The following MTMR7 variants were observed in gnomAD, a reference collection of about 807,000 sequenced individuals.
The protein encoded by MTMR7 is phosphatidylinositol-3-phosphate phosphatase MTMR7.
A neutral mutation model predicts 81.2 loss-of-function variants in MTMR7; 76 were observed. The observed-to-expected ratio is 0.94, with a 90% CI of 0.78 to 1.13. The LOEUF is 1.13. Ranked by LOEUF, MTMR7 falls within the 50% of genes most tolerant of loss-of-function variation. The pLI is 0.00. For missense variants in MTMR7, 1,044 were observed against 820.0 expected (o/e 1.27, Z -3.34); for synonymous variants, 372 against 289.8 (o/e 1.28, Z -2.88).
At chr8:17,350,528 G>A (rs954357006) in intron 4 of MTMR7, among the ~76,000 whole-genome samples, 19 of 152,046 alleles carry the variant, frequency 1.2e-4, no homozygotes, top group South Asian at 4.1e-4. Context: ...ACCTCCCACC[G>A]GGTCCCTCCC....
intron 12 of MTMR7, among the ~76,000 whole-genome samples, chr8:17,303,598 C>T (rs1182618746): frequency 7.3e-6 from 1 of 137,076 alleles, no homozygotes; most frequent in Non-Finnish European, 1.5e-5. Flanking sequence ...CCATTCTCCC[C>T]ATACATACAA....
chr8:17,314,514 G>A (rs1817962072), intron 7 of MTMR7, among the ~76,000 whole-genome samples: 1 of 152,030 alleles, frequency 6.6e-6, no homozygotes, highest in Non-Finnish European at 1.5e-5. Flanking sequence ...GTGCATATGG[G>A]TCACATAGCA....
chr8:17,329,680 A>G (rs1235152481), intron 7 of MTMR7, among the ~76,000 whole-genome samples: 1 of 152,268 alleles, frequency 6.6e-6, no homozygotes, highest in Non-Finnish European at 1.5e-5. Context: ...AATGATGAAC[A>G]GTCTTCAGAC....
At chr8:17,346,786 T>A (rs1819564068) in intron 5 of MTMR7, among the ~76,000 whole-genome samples, 1 of 141,020 alleles carries the variant, frequency 7.1e-6, no homozygotes, top group Non-Finnish European at 1.5e-5. Context: ...TCTTCTTTAA[T>A]CAATGGATGC....
intron 1 of MTMR7, among the ~76,000 whole-genome samples, chr8:17,375,557 G>A (rs1820561028): frequency 6.7e-6 from 1 of 149,756 alleles, no homozygotes; most frequent in Non-Finnish European, 1.5e-5. Context: ...CCATCATGGT[G>A]TATTTTTTGT....
Position 17,319,218 on chromosome 8 carries a change from T to A in MTMR7, c.866-5817A>T, listed in dbSNP as rs116058676. ...CCATGCTCAACATGGTAACCTGGGCTAGTTACTGAGCCTCGCTGTCTTCAA... is the reference window on the plus strand; with the variant it reads ...CCATGCTCAACATGGTAACCTGGGCAAGTTACTGAGCCTCGCTGTCTTCAA... On this transcript the variant is annotated intron_variant, in intron 7 of 13. Coordinates refer to ENST00000180173, the MANE Select transcript of MTMR7 (RefSeq NM_004686.5). Among the ~76,000 whole-genome samples, 746 of 152,330 alleles carry A rather than the reference T, an allele frequency of 4.9e-3. 7 individuals carry two copies. Among genetic ancestry groups the A allele is most frequent in the African/African-American group, 0.016 (676 of 41,570 alleles).
Position 17,399,761 on chromosome 8 carries a change from T to C in MTMR7, c.24+13508A>G, listed in dbSNP as rs1267534139. Among the ~76,000 whole-genome samples the C allele has an allele frequency of 3.3e-5, 5 of 152,170 alleles. No individual in the cohort carries two copies. In the South Asian group the frequency reaches 6.2e-4, roughly 19 times the overall value. ...AGAGATATCCGCACTCCCATGCTTATGGCAGCATTATTCACAGTAGTCGAG... is the reference window on the plus strand; with the variant it reads ...AGAGATATCCGCACTCCCATGCTTACGGCAGCATTATTCACAGTAGTCGAG... On this transcript the variant is annotated intron_variant, in intron 1 of 13. Transcript: ENST00000180173.
chr8:17,396,102 C>T (rs983398066), intron 1 of MTMR7, among the ~76,000 whole-genome samples: 1 of 146,070 alleles, frequency 6.8e-6, no homozygotes, highest in Non-Finnish European at 1.5e-5. Flanking sequence ...GGAGATATGG[C>T]TGATCATACC....
In MTMR7 at chr8:17,298,817, A is replaced by G. The variant is rs1816909918; in HGVS notation, c.*1045T>C. 1 of 152,524 alleles carries G rather than the reference A, an allele frequency of 6.6e-6. No individual in the cohort carries two copies. Among genetic ancestry groups the G allele is most frequent in the South Asian group, 2.1e-4 (1 of 4,834 alleles). 9.4% of individuals were successfully genotyped at this position (152,524 alleles called of 1,614,324 possible). A position where few individuals can be genotyped will look rare whatever the true frequency, so the allele number is the denominator to read the frequency against. On this transcript the variant is annotated 3_prime_UTR_variant, in exon 14 of 14. Coordinates refer to ENST00000180173, the MANE Select transcript of MTMR7 (RefSeq NM_004686.5). ...CTCCCTTAAATGTGCAGTGTAACAAAACAAAAATTCTTTTCAGAACTTTCA... is the reference window on the plus strand; with the variant it reads ...CTCCCTTAAATGTGCAGTGTAACAAGACAAAAATTCTTTTCAGAACTTTCA...
Position 17,309,258 on chromosome 8 carries a change from A to G in MTMR7, c.1151+19T>C, listed in dbSNP as rs760991405. The G allele has an allele frequency of 6.9e-7, 1 of 1,439,182 alleles. No individual in the cohort carries two copies. The allele number at this position is 1,439,182 out of a possible 1,614,324, so 89.2% of individuals were successfully genotyped here. A position where few individuals can be genotyped will look rare whatever the true frequency, so the allele number is the denominator to read the frequency against. ...TGCTTTTATTCTAAACATTCAAAAC[A>G]GTCTTAAATATTACTTACCGGTGAT... On this transcript the variant is annotated intron_variant, in intron 10 of 13. Transcript: ENST00000180173.
intron 5 of MTMR7, among the ~76,000 whole-genome samples, chr8:17,345,105 CA>C (rs1358202659): frequency 3.9e-5 from 6 of 152,202 alleles, no homozygotes; most frequent in Non-Finnish European, 8.8e-5. Context: ...GCTGGATATT[CA>C]AAGGGAGCCC....
chr8:17,304,614 T>C, intron 11 of MTMR7, 95 bp from the exon 12 acceptor site: 2 of 1,365,806 alleles, frequency 1.5e-6, no homozygotes, highest in South Asian at 1.3e-5. Context: ...TAATAATTGT[T>C]ACCTGAAAAC....
chr8:17,409,127 G>A (rs1012164364), intron 1 of MTMR7, among the ~76,000 whole-genome samples: 5 of 152,050 alleles, frequency 3.3e-5, no homozygotes, highest in African/African-American at 1.2e-4. Context: ...ACTGTACAAT[G>A]CACAAGAGGC....
At chr8:17,316,626 C>G (rs985735680) in intron 7 of MTMR7, among the ~76,000 whole-genome samples, 2 of 151,914 alleles carry the variant, frequency 1.3e-5, no homozygotes, top group African/African-American at 4.8e-5. Context: ...TGGAGTCAAC[C>G]AACCACAGAG....
intron 1 of MTMR7, among the ~76,000 whole-genome samples, chr8:17,404,455 A>G (rs974301905): frequency 6.6e-6 from 1 of 152,214 alleles, no homozygotes; most frequent in Non-Finnish European, 1.5e-5. Flanking sequence ...TCCAGGTACT[A>G]TGAATCTTAT....
intron 5 of MTMR7, among the ~76,000 whole-genome samples, chr8:17,344,952 TAAAGTG>T (rs1819507486): frequency 6.6e-6 from 1 of 152,054 alleles, no homozygotes; most frequent in African/African-American, 2.4e-5. Flanking sequence ...TGCACCATCT[TAAAGTG>T]AAACTTTAAA....
In MTMR7 at chr8:17,399,393, T is replaced by C. The variant is rs1269435709; in HGVS notation, c.24+13876A>G. On this transcript the variant is annotated intron_variant, in intron 1 of 13. Coordinates refer to ENST00000180173, the MANE Select transcript of MTMR7 (RefSeq NM_004686.5). ...CAATCCTATTTATAATAGCTACAAA[T>C]AATATAAAATACCTAGGAAACAATT... Among the ~76,000 whole-genome samples, 8 of 151,936 alleles carry C rather than the reference T, an allele frequency of 5.3e-5. No individual in the cohort carries two copies. In the South Asian group the frequency reaches 8.3e-4, roughly 16 times the overall value.
At chr8:17,313,623 C>G (rs766894444) in intron 7 of MTMR7, among the ~76,000 whole-genome samples, 42 of 152,110 alleles carry the variant, frequency 2.8e-4, no homozygotes, top group Admixed American at 2.5e-3. Flanking sequence ...GAATGCTGCA[C>G]TTGTTTACAA....
chr8:17,306,847 G>A (rs531216386), intron 10 of MTMR7, among the ~76,000 whole-genome samples: 1 of 152,130 alleles, frequency 6.6e-6, no homozygotes, highest in Non-Finnish European at 1.5e-5. Context: ...GTAGAAAGCT[G>A]AAACTGGATC....
Sources: allele counts gnomAD v4.1 joint callset (sites outside exome capture counted in the v4.1 genomes callset), GRCh38; gene constraint gnomAD v4.1.1; transcripts MANE v1.5; gene names NCBI Gene and HGNC (gene_info 2026-07-23, HGNC 2026-07-21).